LINGO2: variants seen among roughly 807,000 people sequenced by gnomAD.
LINGO2 encodes leucine rich repeat and Ig domain containing 2, also known as leucine-rich repeat and immunoglobulin-like domain-containing nogo receptor-interacting protein 2.
LINGO2 carries 14 observed loss-of-function variants against 30.6 expected under a neutral mutation model. The observed-to-expected ratio is 0.46, with a 90% CI of 0.30 to 0.72. LINGO2 has a LOEUF of 0.72. LINGO2 is among the 30% of genes least tolerant of loss of function. The pLI, the probability that LINGO2 is intolerant of heterozygous loss-of-function variation, is 0.07. For missense variants in LINGO2, 729 were observed against 751.7 expected, an observed-to-expected ratio of 0.97 and a Z score of 0.35; for synonymous variants, 317 against 288.5, an observed-to-expected ratio of 1.10 and a Z score of -1.00.
At chr9:28,506,110 T>C (rs994136751) in intron 1 of LINGO2, among the ~76,000 whole-genome samples, 4 of 151,588 alleles carry the variant, frequency 2.6e-5, no homozygotes, top group African/African-American at 9.7e-5. Flanking sequence ...ACCTATATGA[T>C]ATAGTTTATA....
At chr9:28,980,576 T>G in the LINGO2 span, among the ~76,000 whole-genome samples, 1 of 152,026 alleles carries the variant, frequency 6.6e-6, no homozygotes, top group East Asian at 1.9e-4. Flanking sequence ...TCAAAAACAC[T>G]AGAAACACAT....
chr9:28,162,375 A>G (rs2133605031), intron 4 of LINGO2, among the ~76,000 whole-genome samples: 1 of 152,232 alleles, frequency 6.6e-6, no homozygotes, highest in East Asian at 1.9e-4. Flanking sequence ...ATAGTTTTTC[A>G]TGTCAGACTC....
intron 3 of LINGO2, among the ~76,000 whole-genome samples, chr9:28,312,155 C>CTTTTTTTTTTTT (rs72304845): frequency 7.0e-6 from 1 of 143,260 alleles, no homozygotes; most frequent in Non-Finnish European, 1.5e-5. Flanking sequence ...TTTCTTTTTT[C>CTTTTTTTTTTTT]TTTTTTTTGT....
intron 1 of LINGO2, among the ~76,000 whole-genome samples, chr9:28,506,479 C>CATATATAT (rs1262674322): frequency 1.8e-3 from 20 of 11,352 alleles, no homozygotes; most frequent in South Asian, 5.6e-3. Flanking sequence ...CACACACACA[C>CATATATAT]ATACACATAC....
At chr9:28,563,868 G>T (rs1399896562) in intron 1 of LINGO2, among the ~76,000 whole-genome samples, 1 of 151,992 alleles carries the variant, frequency 6.6e-6, no homozygotes, top group Non-Finnish European at 1.5e-5. Flanking sequence ...TCCAATCTGT[G>T]GTATCTCTGC....
intron 1 of LINGO2, among the ~76,000 whole-genome samples, chr9:28,559,079 C>G (rs1822903918): frequency 6.6e-6 from 1 of 152,096 alleles, no homozygotes; most frequent in South Asian, 2.1e-4. Flanking sequence ...AGGATGTTTA[C>G]TTCTTCAGGA....
intron 1 of LINGO2, among the ~76,000 whole-genome samples, chr9:28,602,700 T>C (rs901528600): frequency 1.3e-5 from 2 of 152,124 alleles, no homozygotes; most frequent in Admixed American, 6.6e-5. Flanking sequence ...GTCTTCCTTT[T>C]CTAACATATT....
the LINGO2 span, among the ~76,000 whole-genome samples, chr9:28,692,770 A>G: frequency 6.6e-6 from 1 of 152,138 alleles, no homozygotes; most frequent in Non-Finnish European, 1.5e-5. Context: ...TAACGAAGGT[A>G]TTGGAGTTTC....
At chr9:29,040,343 C>T in the LINGO2 span, among the ~76,000 whole-genome samples, 3 of 151,976 alleles carry the variant, frequency 2.0e-5, no homozygotes, top group Non-Finnish European at 4.4e-5. Context: ...CTGAAATTAT[C>T]GTTGTTGCAA....
intron 3 of LINGO2, among the ~76,000 whole-genome samples, chr9:28,368,350 C>A (rs1820757134): frequency 6.6e-6 from 1 of 152,104 alleles, no homozygotes; most frequent in Admixed American, 6.5e-5. Flanking sequence ...AAGCACTGAA[C>A]TTTTTGCTGG....
intron 1 of LINGO2, among the ~76,000 whole-genome samples, chr9:28,571,617 G>A (rs1823698045): frequency 6.6e-6 from 1 of 152,058 alleles, no homozygotes; most frequent in Non-Finnish European, 1.5e-5. Context: ...GTGATGGATT[G>A]AAGATTTAAA....
the LINGO2 span, among the ~76,000 whole-genome samples, chr9:28,876,699 C>G: frequency 6.6e-6 from 1 of 151,998 alleles, no homozygotes; most frequent in Non-Finnish European, 1.5e-5. Context: ...TGAATAGTGC[C>G]GCAATAAACA....
At chr9:28,968,592 T>C in the LINGO2 span, among the ~76,000 whole-genome samples, 1 of 152,184 alleles carries the variant, frequency 6.6e-6, no homozygotes, top group African/African-American at 2.4e-5. Flanking sequence ...CATATGTTAA[T>C]AGCATGTAAT....
the LINGO2 span, among the ~76,000 whole-genome samples, chr9:29,158,913 CT>C: frequency 1.3e-5 from 2 of 152,152 alleles, no homozygotes; most frequent in African/African-American, 4.8e-5. Context: ...CTTTTGAGCC[CT>C]GCAGTTACAC....
intron 1 of LINGO2, among the ~76,000 whole-genome samples, chr9:28,655,434 G>C (rs1437473949): frequency 6.6e-6 from 1 of 151,900 alleles, no homozygotes; most frequent in African/African-American, 2.4e-5. Flanking sequence ...CTTTCGAGTT[G>C]GACTTTTGAG....
the LINGO2 span, among the ~76,000 whole-genome samples, chr9:29,116,205 CTAAT>C: frequency 2.4e-3 from 367 of 151,944 alleles, 3 homozygotes; most frequent in Admixed American, 0.021. Context: ...TTGTTTCTAA[CTAAT>C]AGACTCCTAA....
At chr9:28,548,927 C>T in intron 1 of LINGO2, among the ~76,000 whole-genome samples, 1 of 151,480 alleles carries the variant, frequency 6.6e-6, no homozygotes, top group East Asian at 1.9e-4. Flanking sequence ...GGGTAATATT[C>T]CAAAAATGTA....
At chr9:28,238,924 C>T (rs935641840) in intron 4 of LINGO2, among the ~76,000 whole-genome samples, 1 of 151,178 alleles carries the variant, frequency 6.6e-6, no homozygotes, top group African/African-American at 2.4e-5. Flanking sequence ...GAGAGGAGAC[C>T]CAAATAATTA....
chr9:28,189,525 AAGGGAGGG>A (rs1159149233), intron 4 of LINGO2, among the ~76,000 whole-genome samples: 2 of 13,810 alleles, frequency 1.4e-4, no homozygotes, highest in Non-Finnish European at 1.3e-4. Context: ...GGGAGGAAGG[AAGGGAGGG>A]AGGGAGGGAG....
Sources: allele counts gnomAD v4.1 joint callset (sites outside exome capture counted in the v4.1 genomes callset), GRCh38; gene constraint gnomAD v4.1.1; transcripts MANE v1.5; gene names NCBI Gene and HGNC (gene_info 2026-07-23, HGNC 2026-07-21).